FMN1: variants seen among roughly 807,000 people sequenced by gnomAD.
FMN1 encodes formin 1.
In FMN1, 110 loss-of-function variants were observed where a neutral mutation model predicts 132.4. The ratio of observed to expected loss-of-function variants is 0.83; its 90% CI spans 0.71 to 0.97. The LOEUF is 0.97. FMN1 is among the 50% of genes least tolerant of loss of function. The pLI, the probability that FMN1 is intolerant of heterozygous loss-of-function variation, is 0.00. For synonymous variants in FMN1, 722 were observed against 651.7 expected (o/e 1.11, Z -1.64); for missense variants, 1,792 against 1,705.3 (o/e 1.05, Z -0.90).
At chr15:32,995,331 G>A (rs747312405) in intron 7 of FMN1, among the ~76,000 whole-genome samples, 109 of 152,060 alleles carry the variant, frequency 7.2e-4, no homozygotes, top group Non-Finnish European at 1.2e-3. Context: ...CCTAACATCA[G>A]CAACTTCTAT....
rs2061648096 is a variant in FMN1, at chr15:32,951,341, T to C, written c.3138+12766A>G. On this transcript the variant is annotated intron_variant, in intron 9 of 20. Transcript: ENST00000616417. Reference sequence around the variant, plus strand: ...ACTTTTCCTTGCATTGGGTGGTTTTTTCTTGGTACACACTGAAGGAATTCA... The same window carrying C: ...ACTTTTCCTTGCATTGGGTGGTTTTCTCTTGGTACACACTGAAGGAATTCA... Among the ~76,000 whole-genome samples, 3 of 152,142 alleles carry C rather than the reference T, an allele frequency of 2.0e-5. No homozygotes were observed. The South Asian group carries it at 6.2e-4, about 32-fold the overall frequency.
intron 4 of FMN1, among the ~76,000 whole-genome samples, chr15:33,152,245 G>A (rs1397541728): frequency 6.6e-6 from 1 of 152,030 alleles, no homozygotes; most frequent in African/African-American, 2.4e-5. Context: ...GTCTTTTTTG[G>A]TCCTATTGAA....
chr15:32,995,371 C>T (rs952721000), intron 7 of FMN1, among the ~76,000 whole-genome samples: 4 of 152,154 alleles, frequency 2.6e-5, no homozygotes, highest in Non-Finnish European at 2.9e-5. Context: ...AATGTTAACA[C>T]TCAAAAAGTC....
chr15:33,075,172 C>T (rs1413556596), intron 5 of FMN1, among the ~76,000 whole-genome samples: 1 of 151,998 alleles, frequency 6.6e-6, no homozygotes, highest in African/African-American at 2.4e-5. Context: ...AGAACAGTAC[C>T]TACACTTCAT....
At chr15:32,947,900 A>G (rs28735093) in intron 9 of FMN1, among the ~76,000 whole-genome samples, 7,060 of 152,064 alleles carry the variant, frequency 0.046, 226 homozygotes, top group East Asian at 0.14. Flanking sequence ...GAAAAATCAC[A>G]ATTCATCGTT....
intron 9 of FMN1, among the ~76,000 whole-genome samples, chr15:32,956,530 A>T (rs2061773062): frequency 6.6e-6 from 1 of 152,156 alleles, no homozygotes; most frequent in South Asian, 2.1e-4. Context: ...ACTGAAGAAC[A>T]GGAAAGCCCT....
At chr15:32,924,384 C>T (rs1455942448) in intron 10 of FMN1, among the ~76,000 whole-genome samples, 3 of 152,136 alleles carry the variant, frequency 2.0e-5, no homozygotes, top group African/African-American at 4.8e-5. Flanking sequence ...TTTTAAGTCC[C>T]TAACAATGCT....
intron 9 of FMN1, among the ~76,000 whole-genome samples, chr15:32,938,939 G>A (rs181525777): frequency 4.0e-4 from 61 of 152,134 alleles, no homozygotes; most frequent in African/African-American, 1.4e-3. Context: ...TAAGGGCTTA[G>A]CTAAATAAGA....
At chr15:33,034,961 C>G (rs572303023) in intron 6 of FMN1, among the ~76,000 whole-genome samples, 5 of 152,318 alleles carry the variant, frequency 3.3e-5, no homozygotes, top group African/African-American at 1.2e-4. Flanking sequence ...CTATAATGTT[C>G]TAAATCAAGG....
At chr15:32,917,080 C>T (rs1346737647) in intron 10 of FMN1, among the ~76,000 whole-genome samples, 2 of 152,104 alleles carry the variant, frequency 1.3e-5, no homozygotes, top group Non-Finnish European at 2.9e-5. Context: ...ACAGTTTTCC[C>T]TCCCAACAAT....
intron 6 of FMN1, among the ~76,000 whole-genome samples, chr15:33,015,711 A>G (rs533015674): frequency 6.6e-6 from 1 of 152,200 alleles, no homozygotes; most frequent in African/African-American, 2.4e-5. Context: ...GACTTAAAAA[A>G]AAAAATCATT....
At chr15:33,114,126 T>C (rs1181251949) in intron 4 of FMN1, among the ~76,000 whole-genome samples, 1 of 152,198 alleles carries the variant, frequency 6.6e-6, no homozygotes, top group Non-Finnish European at 1.5e-5. Context: ...GAGCCTGTTC[T>C]GCCGTCAAGG....
intron 4 of FMN1, among the ~76,000 whole-genome samples, chr15:33,146,128 C>G (rs562424520): frequency 2.4e-4 from 36 of 152,072 alleles, no homozygotes; most frequent in Non-Finnish European, 4.7e-4. Context: ...CCATGAATTA[C>G]TAATACAAAA....
intron 9 of FMN1, among the ~76,000 whole-genome samples, chr15:32,946,639 T>C (rs2061517598): frequency 6.6e-6 from 1 of 152,158 alleles, no homozygotes; most frequent in Non-Finnish European, 1.5e-5. Flanking sequence ...CCTAATGATT[T>C]GAAAAATAAA....
At chr15:33,069,318 T>C (rs1320871556) in intron 5 of FMN1, among the ~76,000 whole-genome samples, 2 of 152,202 alleles carry the variant, frequency 1.3e-5, no homozygotes, top group Non-Finnish European at 1.5e-5. Flanking sequence ...CCTCAAGTGT[T>C]TTCCAAATCC....
At chr15:32,865,306 G>A (rs558651464) in intron 16 of FMN1, among the ~76,000 whole-genome samples, 1 of 152,326 alleles carries the variant, frequency 6.6e-6, no homozygotes, top group East Asian at 1.9e-4. Flanking sequence ...AAGCTAATTA[G>A]AAAGTCAGCC....
At chr15:32,842,319 C>G (rs1024579399) in intron 17 of FMN1, among the ~76,000 whole-genome samples, 6 of 152,180 alleles carry the variant, frequency 3.9e-5, no homozygotes, top group Admixed American at 2.0e-4. Context: ...TCCACCCGAG[C>G]CGAGGCTCTG....
At chr15:32,813,053 C>T (rs2057938701) in intron 17 of FMN1, among the ~76,000 whole-genome samples, 1 of 151,990 alleles carries the variant, frequency 6.6e-6, no homozygotes, top group Non-Finnish European at 1.5e-5. Context: ...CCTTGTCATT[C>T]CCTAAACAAC....
At chr15:32,878,556 T>C (rs1279047920) in intron 16 of FMN1, among the ~76,000 whole-genome samples, 1 of 152,094 alleles carries the variant, frequency 6.6e-6, no homozygotes, top group Non-Finnish European at 1.5e-5. Context: ...CTGTCAGACA[T>C]GAGAGCACAA....
Sources: allele counts gnomAD v4.1 joint callset (sites outside exome capture counted in the v4.1 genomes callset), GRCh38; gene constraint gnomAD v4.1.1; transcripts MANE v1.5; gene names NCBI Gene and HGNC (gene_info 2026-07-23, HGNC 2026-07-21).